The following SORCS2 variants were observed in gnomAD, a reference collection of about 807,000 sequenced individuals.
SORCS2 encodes VPS10 domain-containing receptor SorCS2.
SORCS2 carries 100 observed loss-of-function variants against 141.6 expected under a neutral mutation model. That is an observed-to-expected ratio of 0.71 (90% CI 0.60 to 0.83). The LOEUF is 0.83. SORCS2 is among the 40% of genes least tolerant of loss of function. The pLI is 0.00. For missense variants in SORCS2, 1,646 were observed against 1,560.2 expected, an observed-to-expected ratio of 1.05 and a Z score of -0.93; for synonymous variants, 789 against 676.9, an observed-to-expected ratio of 1.17 and a Z score of -2.57.
At chr4:7,618,521 T>C (rs1718913678) in intron 3 of SORCS2, among the ~76,000 whole-genome samples, 1 of 152,164 alleles carries the variant, frequency 6.6e-6, no homozygotes, top group South Asian at 2.1e-4. Flanking sequence ...GCACTCTGCC[T>C]GCCTCTCCGC....
intron 2 of SORCS2, chr4:7,434,969 A>G (rs1360061044): frequency 7.0e-5 from 100 of 1,436,808 alleles, no homozygotes; most frequent in Non-Finnish European, 8.9e-5. Context: ...GGAGGCACGG[A>G]AGGGCGGCCC....
At chr4:7,229,994 C>G (rs1267142867) in intron 1 of SORCS2, among the ~76,000 whole-genome samples, 1 of 108,100 alleles carries the variant, frequency 9.3e-6, no homozygotes. Context: ...GTCTTCGAGT[C>G]TCTGGGCAGG....
At chr4:7,387,653 TACACATGC>T (rs1257276244) in intron 1 of SORCS2, among the ~76,000 whole-genome samples, 6 of 107,522 alleles carry the variant, frequency 5.6e-5, no homozygotes, top group African/African-American at 7.7e-5. Context: ...ATGCCCACCA[TACACATGC>T]ACACATGCAC....
chr4:7,739,565 C>T (rs1403282786), intron 26 of SORCS2, among the ~76,000 whole-genome samples: 2 of 152,204 alleles, frequency 1.3e-5, no homozygotes, highest in Non-Finnish European at 2.9e-5. Context: ...TGCGGTTGAC[C>T]CTCACGTTAG....
intron 1 of SORCS2, among the ~76,000 whole-genome samples, chr4:7,351,688 T>TCTTCTAC (rs1357134185): frequency 7.5e-6 from 1 of 134,226 alleles, no homozygotes; most frequent in Non-Finnish European, 1.6e-5. Context: ...CATCCGTCCA[T>TCTTCTAC]CCATCCATCC....
intron 1 of SORCS2, among the ~76,000 whole-genome samples, chr4:7,355,683 G>C (rs967080357): frequency 6.6e-6 from 1 of 152,168 alleles, no homozygotes; most frequent in Non-Finnish European, 1.5e-5. Flanking sequence ...CTAGGGTCTG[G>C]GCCCCCAGAG....
At chr4:7,495,401 C>T (rs572066932) in intron 2 of SORCS2, among the ~76,000 whole-genome samples, 87 of 152,352 alleles carry the variant, frequency 5.7e-4, no homozygotes, top group African/African-American at 2.0e-3. Context: ...CAAATCTCTG[C>T]CTCCCCCACC....
Position 7,704,291 on chromosome 4 carries a change from G to A in SORCS2, c.1868+7G>A. The A allele has an allele frequency of 1.2e-6, 2 of 1,604,614 alleles. No homozygotes were observed. The highest frequency in any genetic ancestry group is 1.7e-6 in the Non-Finnish European group (2 of 1,175,750). ...ACGAGACGCTGGTCATGACGTGAGT[G>A]CGGGGACCGGGGAGTGGGCACTGGT... On this transcript the variant is annotated splice_region_variant and intron_variant, in intron 14 of 26. Coordinates refer to ENST00000507866, the MANE Select transcript of SORCS2 (RefSeq NM_020777.3).
chr4:7,193,056 C>T lies in SORCS2; in HGVS notation c.410C>T (p.Thr137Met), dbSNP rs762049036. ...CGGGCGCAGGTCTCGCTCATCAGCACGTCGTTCGTGCTCAAGGGGGACGCG... is the reference window on the plus strand; with the variant it reads ...CGGGCGCAGGTCTCGCTCATCAGCATGTCGTTCGTGCTCAAGGGGGACGCG... The part of the protein sequence containing the change: ...ASRAQVSLIS[T>M]SFVLKGDATH... Residue 137 changes from threonine to methionine, a missense_variant, in exon 1 of 27, where the codon ACG becomes ATG. Thr to Met is a moderately conservative substitution (Grantham distance 81). Transcript: ENST00000507866. The surrounding 1 kb of genome is among the most constrained non-coding windows in gnomAD (Gnocchi z 4.8). 8.4e-6 allele frequency: 13 copies of T among 1,546,880 alleles called. No individual in the cohort carries two copies. The Admixed American group carries it at 9.2e-5, about 11-fold the overall frequency.
intron 4 of SORCS2, among the ~76,000 whole-genome samples, chr4:7,641,504 AT>A (rs1429028028): frequency 2.6e-5 from 4 of 152,180 alleles, no homozygotes; most frequent in Non-Finnish European, 4.4e-5. Flanking sequence ...TTGAGATGAG[AT>A]TTGGGTGGGA....
chr4:7,440,450 A>G (rs1344243106), intron 2 of SORCS2, among the ~76,000 whole-genome samples: 1 of 152,180 alleles, frequency 6.6e-6, no homozygotes, highest in African/African-American at 2.4e-5. Context: ...TTTCACCCCC[A>G]TTTCACCATT....
intron 4 of SORCS2, 149 bp from the exon 5 acceptor site, chr4:7,653,984 TC>T: frequency 1.4e-6 from 1 of 735,098 alleles, no homozygotes; most frequent in Non-Finnish European, 2.3e-6. Flanking sequence ...TTGGTCTGCA[TC>T]CCAGCATGAG....
chr4:7,587,351 G>A (rs1270801496), intron 3 of SORCS2, among the ~76,000 whole-genome samples: 1 of 152,184 alleles, frequency 6.6e-6, no homozygotes, highest in Non-Finnish European at 1.5e-5. Context: ...TCTGACAATC[G>A]GGGACCGTAG....
intron 2 of SORCS2, among the ~76,000 whole-genome samples, chr4:7,445,523 G>C (rs1486647966): frequency 2.0e-5 from 3 of 152,164 alleles, no homozygotes; most frequent in Non-Finnish European, 4.4e-5. Context: ...AGCAGGTCCT[G>C]TGGATGGAGC....
chr4:7,527,298 G>T (rs542324856), intron 2 of SORCS2, among the ~76,000 whole-genome samples: 1 of 152,350 alleles, frequency 6.6e-6, no homozygotes, highest in Non-Finnish European at 1.5e-5. Flanking sequence ...ATGGCAAAGG[G>T]GACTTTGCAG....
intron 2 of SORCS2, among the ~76,000 whole-genome samples, chr4:7,467,220 C>A (rs749994): frequency 6.6e-6 from 1 of 152,086 alleles, no homozygotes; most frequent in African/African-American, 2.4e-5. Context: ...TTGGAAGCTG[C>A]CAGACATGGG....
chr4:7,274,663 A>G (rs1242424220), intron 1 of SORCS2, among the ~76,000 whole-genome samples: 1 of 152,184 alleles, frequency 6.6e-6, no homozygotes, highest in Non-Finnish European at 1.5e-5. Context: ...CCCCACCTCC[A>G]ACATTGGGGA....
intron 25 of SORCS2, among the ~76,000 whole-genome samples, chr4:7,735,617 G>C (rs1001847197): frequency 2.6e-5 from 4 of 152,202 alleles, no homozygotes; most frequent in African/African-American, 9.6e-5. Context: ...AGTCTGTGGG[G>C]CAAAGAAGTA....
intron 3 of SORCS2, among the ~76,000 whole-genome samples, chr4:7,534,762 G>A (rs68182039): frequency 0.13 from 20,481 of 152,280 alleles, 1,947 homozygotes; most frequent in African/African-American, 0.27. Flanking sequence ...TGCCACTGGA[G>A]CCTCCAGAGG....
Sources: gnomAD v4.1 joint callset for allele counts (sites outside exome capture counted in the v4.1 genomes callset) on GRCh38, gnomAD v4.1.1 for gene constraint, Gnocchi (gnomAD v3.1) non-coding constraint, MANE v1.5 for transcripts, NCBI Gene and HGNC (gene_info 2026-07-23, HGNC 2026-07-21) for gene names.